LPXN: variants seen among roughly 807,000 people sequenced by gnomAD.
LPXN encodes leupaxin.
LPXN carries 28 observed loss-of-function variants against 45.6 expected under a neutral mutation model. The observed-to-expected ratio is 0.61, with a 90% CI of 0.45 to 0.84. LPXN has a LOEUF of 0.84. Ranked by LOEUF, LPXN falls within the 40% of genes least tolerant of loss-of-function variation. The pLI, the probability that LPXN is intolerant of heterozygous loss-of-function variation, is 0.00. For synonymous variants in LPXN, 166 were observed against 169.9 expected, an observed-to-expected ratio of 0.98 and a Z score of 0.18; for missense variants, 459 against 475.0, an observed-to-expected ratio of 0.97 and a Z score of 0.31.
chr11:58,576,031 G>A (rs1338702479), upstream of LPXN: 5 of 1,121,244 alleles, frequency 4.5e-6, no homozygotes, highest in Non-Finnish European at 5.9e-6. Flanking sequence ...CAGTGCATTG[G>A]CCAGGGTGAT....
intron 2 of LPXN, 94 bp from the exon 3 acceptor site, chr11:58,564,295 T>G: frequency 1.2e-6 from 1 of 820,182 alleles, no homozygotes; most frequent in Non-Finnish European, 2.1e-6. Context: ...TAGATGTTTG[T>G]AGCTTTTAAA....
intron 7 of LPXN, among the ~76,000 whole-genome samples, chr11:58,533,438 G>A (rs181948174): frequency 6.6e-6 from 1 of 152,260 alleles, no homozygotes; most frequent in African/African-American, 2.4e-5. Flanking sequence ...GTAAACAAAA[G>A]AGAAATAAAA....
intron 2 of LPXN, among the ~76,000 whole-genome samples, chr11:58,567,742 G>A (rs1854567032): frequency 6.6e-6 from 1 of 152,162 alleles, no homozygotes; most frequent in Non-Finnish European, 1.5e-5. Flanking sequence ...ATGGTACATG[G>A]TAAATATTGA....
chr11:58,564,404 T>G (rs1854468691), intron 2 of LPXN, among the ~76,000 whole-genome samples: 1 of 152,208 alleles, frequency 6.6e-6, no homozygotes. Context: ...ACAGAGTAGT[T>G]GGCATGTGAA....
chr11:58,543,983 G>A (rs1172174981), intron 7 of LPXN, among the ~76,000 whole-genome samples: 1 of 152,068 alleles, frequency 6.6e-6, no homozygotes. Context: ...TTTTTCACAT[G>A]CCTTGCTTTG....
At position 58,527,403 on chromosome 11, in the gene LPXN, T is replaced by C. The variant is rs776736060; in HGVS notation, c.*51A>G. The C allele has an allele frequency of 6.3e-7, 1 of 1,593,806 alleles. No homozygotes were observed. Among genetic ancestry groups the C allele is most frequent in the Non-Finnish European group, 8.6e-7 (1 of 1,164,326 alleles). The stretch of plus-strand genomic sequence containing the variant: ...AGAAAATTTACCCTTTCCTCTCCTC[T>C]CTTGGTTTAAATTTTATAAGGAATC... On this transcript the variant is annotated 3_prime_UTR_variant, in exon 9 of 9. Transcript: ENST00000395074.
chr11:58,538,141 A>T (rs1285389629), intron 7 of LPXN, among the ~76,000 whole-genome samples: 4 of 151,994 alleles, frequency 2.6e-5, no homozygotes, highest in Non-Finnish European at 5.9e-5. Context: ...CATGGTGTAT[A>T]TGTGCCACAT....
chr11:58,548,683 C>T (rs531650321), intron 7 of LPXN, among the ~76,000 whole-genome samples: 10 of 152,276 alleles, frequency 6.6e-5, no homozygotes, highest in Admixed American at 3.3e-4. Flanking sequence ...CTAAATACCA[C>T]GCTTGTATTG....
chr11:58,535,700 T>C (rs894684957), intron 7 of LPXN, among the ~76,000 whole-genome samples: 1 of 152,086 alleles, frequency 6.6e-6, no homozygotes, highest in East Asian at 1.9e-4. Flanking sequence ...AAATAAAGGG[T>C]ACTCACATAG....
chr11:58,578,518 C>A (rs1206693889), upstream of LPXN, among the ~76,000 whole-genome samples: 2 of 152,226 alleles, frequency 1.3e-5, no homozygotes, highest in Non-Finnish European at 1.5e-5. Flanking sequence ...ATCCGGCAAC[C>A]GACGGGGCTT....
intron 7 of LPXN, among the ~76,000 whole-genome samples, chr11:58,529,496 G>A (rs1444396499): frequency 6.6e-6 from 1 of 151,564 alleles, no homozygotes; most frequent in Non-Finnish European, 1.5e-5. Flanking sequence ...TGTAGTCCCA[G>A]CTACTTGGGA....
intron 7 of LPXN, among the ~76,000 whole-genome samples, chr11:58,531,690 T>C (rs1853392330): frequency 6.6e-6 from 1 of 152,136 alleles, no homozygotes; most frequent in Non-Finnish European, 1.5e-5. Context: ...AACATTCAAA[T>C]TCAGGAAATA....
intron 7 of LPXN, among the ~76,000 whole-genome samples, chr11:58,549,548 C>G (rs1035585958): frequency 1.9e-4 from 29 of 152,256 alleles, no homozygotes; most frequent in Admixed American, 1.9e-3. Flanking sequence ...CAATATTACC[C>G]TTGAAGTAAT....
At chr11:58,557,870 T>C (rs1055423138) in intron 3 of LPXN, among the ~76,000 whole-genome samples, 2 of 152,192 alleles carry the variant, frequency 1.3e-5, no homozygotes, top group African/African-American at 2.4e-5. Flanking sequence ...AGAAAGCCTA[T>C]ATAAATGAAG....
chr11:58,575,925 TTTTGA>T (rs1160602442), upstream of LPXN: 40 of 1,479,262 alleles, frequency 2.7e-5, no homozygotes, highest in East Asian at 2.4e-4. Context: ...ACTTCCTCTC[TTTTGA>T]TTTGGTGAGC....
intron 4 of LPXN, 54 bp downstream of exon 4, chr11:58,554,787 T>C (rs1854152644): frequency 7.1e-6 from 10 of 1,413,014 alleles, no homozygotes; most frequent in Non-Finnish European, 8.7e-6. Context: ...TGGGCCCTGT[T>C]TATCATCTGG....
At chr11:58,564,323 A>G (rs1854465872) in intron 2 of LPXN, 122 bp from the exon 3 acceptor site, 7 of 685,534 alleles carry the variant, frequency 1.0e-5, no homozygotes, top group Admixed American at 2.9e-5. Context: ...GACAAGTGGC[A>G]TATCTATGAG....
At chr11:58,535,295 C>T (rs1165805383) in intron 7 of LPXN, among the ~76,000 whole-genome samples, 1 of 152,158 alleles carries the variant, frequency 6.6e-6, no homozygotes, top group Admixed American at 6.5e-5. Context: ...AAACTGAATC[C>T]AGCAGCATAT....
intron 1 of LPXN, among the ~76,000 whole-genome samples, chr11:58,575,134 T>G (rs1854842211): frequency 6.6e-6 from 1 of 152,178 alleles, no homozygotes; most frequent in Admixed American, 6.5e-5. Context: ...GTTTTAATTG[T>G]CTTAGAGTGG....
Sources: gnomAD v4.1 joint callset for allele counts (sites outside exome capture counted in the v4.1 genomes callset) on GRCh38, gnomAD v4.1.1 for gene constraint, MANE v1.5 for transcripts, NCBI Gene and HGNC (gene_info 2026-07-23, HGNC 2026-07-21) for gene names.